Variants in BIN1 observed in about 807,000 individuals in gnomAD.
BIN1 encodes myc box-dependent-interacting protein 1.
Under a neutral mutation model 82.0 loss-of-function variants are expected in BIN1, and 53 were observed. That is an observed-to-expected ratio of 0.65 (90% CI 0.52 to 0.81). BIN1 has a LOEUF of 0.81. Among genes scored for constraint, BIN1 ranks in the 40% least tolerant of loss-of-function variants. The pLI is 0.00. For synonymous variants in BIN1, 302 were observed against 328.0 expected, an observed-to-expected ratio of 0.92 and a Z score of 0.86; for missense variants, 642 against 784.4, an observed-to-expected ratio of 0.82 and a Z score of 2.17.
rs557276019 is a variant in BIN1 at position 127,059,052 on chromosome 2, C to T, written c.961G>A (p.Gly321Arg). ...GGGAGGGTGGCCCCGGGCGTGGCCC[C>T]GCCGGCCGGCTCTGGCTCGTGGTTG... The part of the protein sequence containing the change: ...RVNHEPEPAG[G>R]ATPGATLPKS... The change falls in exon 11 of 19, where the codon GGG becomes AGG. Residue 321 changes from glycine to arginine, a missense_variant. Gly to Arg is a moderately radical substitution (Grantham distance 125). Transcript: ENST00000316724. This position sits in a 1 kb window ranked among gnomAD's most constrained non-coding sequence, Gnocchi z 6.7. 88 of 1,572,148 alleles carry T rather than the reference C, an allele frequency of 5.6e-5. No homozygotes were observed. The Admixed American group carries it at 7.1e-4, about 13-fold the overall frequency.
At chr2:127,097,869 C>T (rs1679801437) in intron 1 of BIN1, among the ~76,000 whole-genome samples, 5 of 152,232 alleles carry the variant, frequency 3.3e-5, no homozygotes. Flanking sequence ...CTGACAAGCA[C>T]TGTTCCCGCT....
chr2:127,061,068 G>A (rs779026488), intron 10 of BIN1, among the ~76,000 whole-genome samples: 2 of 152,186 alleles, frequency 1.3e-5, no homozygotes, highest in Non-Finnish European at 2.9e-5. Context: ...GGGAGCCATG[G>A]TTCTGGCCAG....
At chr2:127,096,543 C>A (rs1483894821) in intron 1 of BIN1, among the ~76,000 whole-genome samples, 1 of 152,196 alleles carries the variant, frequency 6.6e-6, no homozygotes, top group Non-Finnish European at 1.5e-5. Context: ...GAATTCCTTC[C>A]TCCCTATGTC....
chr2:127,063,792 T>TGCAGCACACAGGCTGGGCACC, intron 8 of BIN1, 141 bp downstream of exon 8: 1 of 1,395,812 alleles, frequency 7.2e-7, no homozygotes, highest in Non-Finnish European at 1.0e-6. Context: ...GGCTGGACAC[T>TGCAGCACACAGGCTGGGCACC]GCAGCACACA....
At chr2:127,081,714 G>C (rs1377322428) in intron 1 of BIN1, 1 of 1,114,960 alleles carries the variant, frequency 9.0e-7, no homozygotes, top group African/African-American at 1.6e-5. Flanking sequence ...AGTGGCAGCA[G>C]AGTTCCCAAC....
chr2:127,054,059 C>G, intron 12 of BIN1, 47 bp from the exon 13 acceptor site: 1 of 1,511,760 alleles, frequency 6.6e-7, no homozygotes, highest in Non-Finnish European at 9.0e-7. Context: ...TAGTGTTAAG[C>G]TGGGAGCCCT....
At chr2:127,069,570 C>T (rs538421634) in intron 5 of BIN1, among the ~76,000 whole-genome samples, 18 of 152,320 alleles carry the variant, frequency 1.2e-4, no homozygotes, top group African/African-American at 1.7e-4. Flanking sequence ...CACAACCACA[C>T]GCACACACCC....
intron 1 of BIN1, among the ~76,000 whole-genome samples, chr2:127,088,927 G>A (rs560398469): frequency 3.9e-4 from 59 of 152,204 alleles, no homozygotes; most frequent in Non-Finnish European, 7.5e-4. Context: ...AAGGCCCTGA[G>A]GTGGACGGGA....
At chr2:127,078,013 G>A (rs1266286577) in intron 1 of BIN1, among the ~76,000 whole-genome samples, 2 of 152,254 alleles carry the variant, frequency 1.3e-5, no homozygotes, top group African/African-American at 4.8e-5. Context: ...TAGGTCTGCA[G>A]ACATCCCTCC....
chr2:127,054,114 C>A, intron 12 of BIN1, 102 bp from the exon 13 acceptor site: 2 of 873,900 alleles, frequency 2.3e-6, no homozygotes, highest in South Asian at 1.4e-5. Flanking sequence ...CGTGGACACA[C>A]ACACATACAC....
rs375154679 is a variant in BIN1 at position 127,067,731 on chromosome 2, G to A, written c.612+432C>T. Reference sequence around the variant, plus strand: ...GGAGGAGGCTGTGATGTGCCTCTCTGGGCAGCTTTCTCTGCTCAGTAAATT... The same window carrying A: ...GGAGGAGGCTGTGATGTGCCTCTCTAGGCAGCTTTCTCTGCTCAGTAAATT... On this transcript the variant is annotated intron_variant, in intron 7 of 18. Coordinates refer to ENST00000316724, the MANE Select transcript of BIN1 (RefSeq NM_139343.3). This position sits in a 1 kb window ranked among gnomAD's most constrained non-coding sequence, Gnocchi z 4.7. 4.6e-5 allele frequency among the ~76,000 whole-genome samples: 7 copies of A among 152,302 alleles called. No individual in the cohort carries two copies. In the East Asian group the frequency reaches 9.7e-4, roughly 21 times the overall value.
intron 5 of BIN1, among the ~76,000 whole-genome samples, chr2:127,069,256 C>T (rs975612880): frequency 2.0e-5 from 3 of 152,172 alleles, no homozygotes; most frequent in Non-Finnish European, 4.4e-5. Context: ...CCCATGTGTC[C>T]GTGTCCACCA....
intron 1 of BIN1, among the ~76,000 whole-genome samples, chr2:127,086,281 G>A (rs535057993): frequency 6.6e-6 from 1 of 152,136 alleles, no homozygotes; most frequent in Non-Finnish European, 1.5e-5. Context: ...ACAGACACTG[G>A]GGGGAGCGGG....
At chr2:127,060,453 G>A (rs753205366) in intron 10 of BIN1, 40 of 1,258,616 alleles carry the variant, frequency 3.2e-5, no homozygotes, top group Non-Finnish European at 3.8e-5. Context: ...CACCCAACAC[G>A]CACACGACAG....
chr2:127,068,288 G>A lies in BIN1; in HGVS notation c.520-33C>T. ...GGGGAGGTCAAGGCAAAGGAAGGTG[G>A]AGAGACCAGGGAGGTGGGGAGAGAG... On this transcript the variant is annotated intron_variant, in intron 6 of 18. Coordinates refer to ENST00000316724, the MANE Select transcript of BIN1 (RefSeq NM_139343.3). The surrounding 1 kb of genome is among the most constrained non-coding windows in gnomAD (Gnocchi z 4.9). 3.2e-6 allele frequency: 5 copies of A among 1,563,762 alleles called. No homozygotes were observed. The highest frequency in any genetic ancestry group is 4.4e-6 in the Non-Finnish European group (5 of 1,142,814).
chr2:127,070,684 G>A, intron 3 of BIN1, 37 bp from the exon 4 acceptor site: 4 of 1,613,874 alleles, frequency 2.5e-6, no homozygotes, highest in Non-Finnish European at 3.4e-6. Flanking sequence ...GCCTCCCACT[G>A]ATAGCGCTTG....
intron 10 of BIN1, chr2:127,060,537 G>A (rs1684304069): frequency 1.2e-6 from 2 of 1,610,808 alleles, no homozygotes; most frequent in South Asian, 2.2e-5. Flanking sequence ...CAAGGCGCAT[G>A]CACAGGGCCA....
intron 1 of BIN1, among the ~76,000 whole-genome samples, chr2:127,084,717 G>C (rs536313498): frequency 2.0e-5 from 3 of 152,226 alleles, no homozygotes; most frequent in Non-Finnish European, 4.4e-5. Context: ...GCTTTGTGGT[G>C]GTGGTGAACA....
Position 127,048,590 on chromosome 2 carries a change from T to A in BIN1, c.1718A>T (p.Gln573Leu). Reference sequence around the variant, plus strand: ...ACGGCACTTCTCCAGCTCCTTGTGCTGGTTCCAGTCGCTCTCCTTCACGCC... The same window carrying A: ...ACGGCACTTCTCCAGCTCCTTGTGCAGGTTCCAGTCGCTCTCCTTCACGCC... ...LMGVKESDWN[Q>L]HKELEKCRGV... is the part of the protein sequence containing the mutation. Residue 573 changes from glutamine to leucine, a missense_variant, in exon 19 of 19, where the codon CAG becomes CTG. Physicochemically the swap from Gln to Leu is moderately radical, Grantham distance 113. Transcript: ENST00000316724. 4 of 1,613,738 alleles carry A rather than the reference T, an allele frequency of 2.5e-6. No individual in the cohort carries two copies. Among genetic ancestry groups the A allele is most frequent in the Non-Finnish European group, 3.4e-6 (4 of 1,180,030 alleles).
Sources: allele counts gnomAD v4.1 joint callset (sites outside exome capture counted in the v4.1 genomes callset), GRCh38; gene constraint gnomAD v4.1.1; non-coding constraint Gnocchi (gnomAD v3.1); transcripts MANE v1.5; gene names NCBI Gene and HGNC (gene_info 2026-07-23, HGNC 2026-07-21).